The following PCDHAC2 variants were observed in gnomAD, a reference collection of about 807,000 sequenced individuals.
The protein encoded by PCDHAC2 is protocadherin alpha subfamily C, 2, also known as protocadherin alpha-C2.
Under a neutral mutation model 63.3 loss-of-function variants are expected in PCDHAC2, and 24 were observed. That is an observed-to-expected ratio of 0.38 (90% CI 0.27 to 0.53). PCDHAC2 has a LOEUF of 0.53. Ranked by LOEUF, PCDHAC2 falls within the 20% of genes least tolerant of loss-of-function variation. PCDHAC2 has a pLI of 0.81. For synonymous variants in PCDHAC2, 569 were observed against 529.4 expected, an observed-to-expected ratio of 1.07 and a Z score of -1.03; for missense variants, 1,181 against 1,275.2, an observed-to-expected ratio of 0.93 and a Z score of 1.12.
chr5:140,967,260 C>G lies in PCDHAC2; in HGVS notation c.494C>G (p.Ala165Gly). Residue 165 changes from alanine to glycine, a missense_variant, in exon 1 of 4, where the codon GCG (alanine) becomes GGG (glycine). Ala to Gly is a moderately conservative substitution (Grantham distance 60). Coordinates refer to ENST00000289269, the MANE Select transcript of PCDHAC2 (RefSeq NM_018899.6). ...GTAAGCGAATCGGTGGCGCCTGGAG[C>G]GCGCTTTCACATAGAGAGTGCGCAG... is the stretch of plus-strand genomic sequence containing the variant. ...LQVSESVAPG[A>G]RFHIESAQDP... 1 of 1,613,500 alleles carries G rather than the reference C, an allele frequency of 6.2e-7. No homozygotes were observed. The highest frequency in any genetic ancestry group is 8.5e-7 in the Non-Finnish European group (1 of 1,179,862).
intron 2 of PCDHAC2, 157 bp from the exon 3 acceptor site, chr5:140,982,318 G>C (rs2096977750): frequency 6.6e-6 from 9 of 1,356,910 alleles, no homozygotes; most frequent in Non-Finnish European, 8.8e-6. Flanking sequence ...AGTTTATGCA[G>C]GGTGACTGCT....
At chr5:140,991,614 A>G (rs1554252334) in intron 3 of PCDHAC2, among the ~76,000 whole-genome samples, 2 of 152,194 alleles carry the variant, frequency 1.3e-5, no homozygotes, top group Non-Finnish European at 2.9e-5. Flanking sequence ...AGCACCTTTA[A>G]TGCCATATTT....
intron 3 of PCDHAC2, among the ~76,000 whole-genome samples, chr5:141,000,558 G>C (rs1462892656): frequency 6.7e-6 from 1 of 149,136 alleles, no homozygotes; most frequent in African/African-American, 2.5e-5. Context: ...CTCCCGAGTA[G>C]CTGGGATTAC....
chr5:140,973,167 C>A (rs554202231), intron 1 of PCDHAC2, among the ~76,000 whole-genome samples: 44 of 152,284 alleles, frequency 2.9e-4, no homozygotes, highest in Admixed American at 2.4e-3. Context: ...TTTGTAGTCA[C>A]CAAACCTTCA....
Position 140,968,992 on chromosome 5 carries a change from T to C in PCDHAC2, c.2226T>C (p.Cys742=). The C allele has an allele frequency of 6.2e-7, 1 of 1,614,220 alleles. No individual in the cohort carries two copies. The highest frequency in any genetic ancestry group is 8.5e-7 in the Non-Finnish European group (1 of 1,180,046). The change falls in exon 1 of 4, where the codon TGT becomes TGC. Residue 742 remains cysteine (C), a synonymous_variant. Coordinates refer to ENST00000289269, the MANE Select transcript of PCDHAC2 (RefSeq NM_018899.6). Reference sequence around the variant, plus strand: ...ACACTGCGTATGGCACTGCATGCTGTGGAGGCTTCTGTGGAGTAAGGGAAA... The same window carrying C: ...ACACTGCGTATGGCACTGCATGCTGCGGAGGCTTCTGTGGAGTAAGGGAAA... The part of the protein sequence containing the change: ...YRYTAYGTAC[C]GGFCGVRERS...
chr5:140,985,298 C>T (rs770798262), intron 3 of PCDHAC2, among the ~76,000 whole-genome samples: 1 of 152,124 alleles, frequency 6.6e-6, no homozygotes, highest in Non-Finnish European at 1.5e-5. Context: ...ATAGTGTTGG[C>T]TGATAGCCTG....
At chr5:141,000,757 C>A (rs1236279352) in intron 3 of PCDHAC2, among the ~76,000 whole-genome samples, 1 of 151,158 alleles carries the variant, frequency 6.6e-6, no homozygotes, top group Non-Finnish European at 1.5e-5. Flanking sequence ...AAAAAAAAAT[C>A]TTAGCCAGGC....
rs781875050 is a variant in PCDHAC2 at position 140,968,324 on chromosome 5, T to C, written c.1558T>C (p.Ser520Pro). 9.3e-6 allele frequency: 15 copies of C among 1,613,972 alleles called. No homozygotes were observed. Reference sequence around the variant, plus strand: ...GGAGATTCAAGGGCTGCCAGTCACCTCCTATGTCTCCATTAACAGTGCCAG... The same window carrying C: ...GGAGATTCAAGGGCTGCCAGTCACCCCCTATGTCTCCATTAACAGTGCCAG... ...EREIQGLPVT[S>P]YVSINSASGS... Residue 520 changes from serine to proline, a missense_variant, in exon 1 of 4, where the codon TCC (serine) becomes CCC (proline). Ser to Pro is a moderately conservative substitution (Grantham distance 74). This residue lies in a region of PCDHAC2 where 968 missense variants were observed against 1,073.5 expected (regional missense o/e 0.90). Transcript: ENST00000289269.
chr5:141,000,419 A>T (rs1394449061), intron 3 of PCDHAC2, among the ~76,000 whole-genome samples: 972 of 60,664 alleles, frequency 0.016, 14 homozygotes, highest in African/African-American at 0.023. Flanking sequence ...ATATATATAT[A>T]TATTTTTTTT....
chr5:141,000,499 C>T (rs2097942558), intron 3 of PCDHAC2, among the ~76,000 whole-genome samples: 1 of 138,650 alleles, frequency 7.2e-6, no homozygotes, highest in African/African-American at 2.7e-5. Context: ...AAGATCTCGG[C>T]TCACTGCAAC....
intron 3 of PCDHAC2, among the ~76,000 whole-genome samples, chr5:141,008,339 C>T (rs782805145): frequency 1.1e-4 from 16 of 152,176 alleles, no homozygotes; most frequent in Non-Finnish European, 1.5e-4. Context: ...TTTGATGGAG[C>T]TTTTCACGTG....
At chr5:140,983,257 A>C (rs2097036264) in intron 3 of PCDHAC2, among the ~76,000 whole-genome samples, 1 of 152,214 alleles carries the variant, frequency 6.6e-6, no homozygotes, top group Non-Finnish European at 1.5e-5. Context: ...GTTGTGTAAA[A>C]AACCTAATGG....
rs1398985109 is a variant in PCDHAC2 at position 140,968,827 on chromosome 5, C to T, written c.2061C>T (p.Ile687=). Residue 687 remains isoleucine (I), a synonymous_variant, in exon 1 of 4, where the codon ATC becomes ATT. Transcript: ENST00000289269. ...CTGTGGTGGATAGGGTTTCCAAAATCCTCCCTGACACTCAGAGGCATGTTA... is the reference window on the plus strand; with the variant it reads ...CTGTGGTGGATAGGGTTTCCAAAATTCTCCCTGACACTCAGAGGCATGTTA... The part of the protein sequence containing the change: ...TVAVVDRVSK[I]LPDTQRHVKS... The T allele has an allele frequency of 1.2e-6, 2 of 1,614,094 alleles. No individual in the cohort carries two copies. Among genetic ancestry groups the T allele is most frequent in the Non-Finnish European group, 1.7e-6 (2 of 1,180,060 alleles).
At position 141,010,692 on chromosome 5, in the gene PCDHAC2, G is replaced by A. The variant is rs1415098319; in HGVS notation, c.*755G>A. The A allele has an allele frequency of 1.9e-5, 3 of 159,998 alleles. No homozygotes were observed. The highest frequency in any genetic ancestry group is 7.2e-5 in the African/African-American group (3 of 41,584). 9.9% of individuals were successfully genotyped at this position (159,998 alleles called of 1,614,324 possible). On this transcript the variant is annotated 3_prime_UTR_variant, in exon 4 of 4. Coordinates refer to ENST00000289269, the MANE Select transcript of PCDHAC2 (RefSeq NM_018899.6). ...TGGGAAACAGAAGCAGATCTGATGT[G>A]TTTCCTATACATGTCCTGTGCTCAC...
At chr5:141,005,868 G>T (rs1428789229) in intron 3 of PCDHAC2, among the ~76,000 whole-genome samples, 1 of 152,078 alleles carries the variant, frequency 6.6e-6, no homozygotes, top group African/African-American at 2.4e-5. Flanking sequence ...GGTCGATTGA[G>T]TCCAGGAGTT....
intron 3 of PCDHAC2, among the ~76,000 whole-genome samples, chr5:140,996,686 T>G (rs1447702915): frequency 2.6e-5 from 4 of 152,214 alleles, no homozygotes; most frequent in Non-Finnish European, 5.9e-5. Flanking sequence ...TGGGCTAGTA[T>G]TCTTCTGAAC....
chr5:140,999,368 A>G (rs549083218), intron 3 of PCDHAC2, among the ~76,000 whole-genome samples: 1 of 152,280 alleles, frequency 6.6e-6, no homozygotes, highest in African/African-American at 2.4e-5. Context: ...TCACAATCCC[A>G]TTAGATGGTT....
intron 1 of PCDHAC2, among the ~76,000 whole-genome samples, chr5:140,974,337 T>TA (rs2096623719): frequency 6.6e-6 from 1 of 152,214 alleles, no homozygotes; most frequent in Admixed American, 6.5e-5. Context: ...GCTAGCAGGC[T>TA]ATGCATCCAG....
In PCDHAC2 at chr5:140,968,017, C is replaced by A; in HGVS notation, c.1251C>A (p.Asn417Lys). 6.2e-7 allele frequency: 1 copy of A among 1,614,216 alleles called. No individual in the cohort carries two copies. Among genetic ancestry groups the A allele is most frequent in the South Asian group, 1.1e-5 (1 of 91,082 alleles). The change falls in exon 1 of 4, where the codon AAC (asparagine) becomes AAA (lysine). Residue 417 changes from asparagine to lysine, a missense_variant. Coordinates refer to ENST00000289269, the MANE Select transcript of PCDHAC2 (RefSeq NM_018899.6). ...CTTTCCGACTGAATGGCTTTGGAAA[C>A]TCCTATACACTGGTGGTGAGCGGCC... ...TLPFRLNGFG[N>K]SYTLVVSGPL...
Sources: gnomAD v4.1 joint callset for allele counts (sites outside exome capture counted in the v4.1 genomes callset) on GRCh38, gnomAD v4.1.1 for gene constraint, gnomAD v4.1.1 regional missense constraint, MANE v1.5 for transcripts, NCBI Gene and HGNC (gene_info 2026-07-23, HGNC 2026-07-21) for gene names.